The following CCDC171 variants were observed in gnomAD, a reference collection of about 807,000 sequenced individuals.
CCDC171 encodes coiled-coil domain containing 171.
In CCDC171, 177 loss-of-function variants were observed where a neutral mutation model predicts 168.2. That is an observed-to-expected ratio of 1.05 (90% confidence interval 0.93 to 1.19). The LOEUF (loss-of-function observed/expected upper bound fraction) is 1.19. Among genes scored for constraint, CCDC171 ranks in the 50% most tolerant of loss-of-function variants. CCDC171 has a pLI of 0.00. For synonymous variants in CCDC171, 687 were observed against 540.8 expected (o/e 1.27, Z -3.75); for missense variants, 1,991 against 1,539.0 (o/e 1.29, Z -4.91).
intron 25 of CCDC171, among the ~76,000 whole-genome samples, chr9:15,923,979 A>C (rs556549969): frequency 2.0e-5 from 3 of 151,562 alleles, no homozygotes; most frequent in Middle Eastern, 3.4e-3. Flanking sequence ...ATAATGTGTT[A>C]CTCAGTTATA....
intron 7 of CCDC171, 62 bp downstream of exon 7, chr9:15,623,475 G>GCGCGCACGCGCACACACA: frequency 3.2e-6 from 1 of 311,464 alleles, no homozygotes. Context: ...GCGCGCGCGC[G>GCGCGCACGCGCACACACA]CACACACACA....
At chr9:15,955,641 C>G (rs927083555) in intron 25 of CCDC171, among the ~76,000 whole-genome samples, 3 of 152,134 alleles carry the variant, frequency 2.0e-5, no homozygotes, top group African/African-American at 7.2e-5. Flanking sequence ...AGTTGCAAGC[C>G]TTCAATAGAC....
chr9:15,718,224 G>A (rs1003689585), intron 11 of CCDC171, among the ~76,000 whole-genome samples: 1 of 152,212 alleles, frequency 6.6e-6, no homozygotes, highest in South Asian at 2.1e-4. Context: ...TGTGGCAGTG[G>A]TGGCCAGGGG....
At chr9:15,745,863 C>CT (rs1317980281) in intron 18 of CCDC171, among the ~76,000 whole-genome samples, 7 of 151,950 alleles carry the variant, frequency 4.6e-5, no homozygotes, top group Non-Finnish European at 1.0e-4. Flanking sequence ...TCCACCTTTT[C>CT]TTTTTTTCTA....
At chr9:15,994,615 T>C (rs1170765527) in intron 3 of CCDC171, among the ~76,000 whole-genome samples, 1 of 152,220 alleles carries the variant, frequency 6.6e-6, no homozygotes, top group African/African-American at 2.4e-5. Flanking sequence ...ATTTTATAAA[T>C]GGACACAATT....
chr9:15,643,223 T>A (rs1280244042), intron 7 of CCDC171, among the ~76,000 whole-genome samples: 1 of 150,678 alleles, frequency 6.6e-6, no homozygotes, highest in Non-Finnish European at 1.5e-5. Context: ...CTGGCTAGAC[T>A]TTTTTTTGAC....
intron 11 of CCDC171, among the ~76,000 whole-genome samples, chr9:15,716,069 C>CA (rs1260600700): frequency 6.6e-6 from 1 of 152,114 alleles, no homozygotes; most frequent in Non-Finnish European, 1.5e-5. Flanking sequence ...GTCAGGTTGA[C>CA]AAAAAATTCA....
At chr9:16,035,300 T>G (rs1451716339) in intron 6 of CCDC171, among the ~76,000 whole-genome samples, 1 of 152,234 alleles carries the variant, frequency 6.6e-6, no homozygotes, top group Non-Finnish European at 1.5e-5. Flanking sequence ...CATTATTAGA[T>G]ATAAAAAACT....
At chr9:15,669,855 A>G (rs2048982307) in intron 9 of CCDC171, among the ~76,000 whole-genome samples, 1 of 151,340 alleles carries the variant, frequency 6.6e-6, no homozygotes, top group South Asian at 2.1e-4. Flanking sequence ...ATTGTAACTT[A>G]GTAGCATTAT....
At chr9:15,791,276 G>A (rs2058246199) in intron 21 of CCDC171, among the ~76,000 whole-genome samples, 1 of 151,998 alleles carries the variant, frequency 6.6e-6, no homozygotes, top group African/African-American at 2.4e-5. Context: ...ATTTCCTTGA[G>A]CAGTGGTTTG....
intron 24 of CCDC171, among the ~76,000 whole-genome samples, chr9:15,919,756 C>T (rs371197504): frequency 6.6e-6 from 1 of 151,552 alleles, no homozygotes; most frequent in East Asian, 1.9e-4. Flanking sequence ...CATGAATCAA[C>T]ATAATTATAC....
intron 25 of CCDC171, among the ~76,000 whole-genome samples, chr9:15,921,635 C>G (rs1277637947): frequency 4.6e-5 from 7 of 151,502 alleles, no homozygotes; most frequent in African/African-American, 1.7e-4. Context: ...TACGAGTAAT[C>G]TATCCAATAA....
chr9:15,643,831 T>C (rs1259394373), intron 7 of CCDC171, among the ~76,000 whole-genome samples: 1 of 152,204 alleles, frequency 6.6e-6, no homozygotes, highest in Non-Finnish European at 1.5e-5. Context: ...CAGCATGTGG[T>C]CTTTTGTATT....
In CCDC171 at chr9:15,890,820, A is replaced by G. The variant is rs574251667; in HGVS notation, c.3600+16157A>G. Among the ~76,000 whole-genome samples the G allele has an allele frequency of 1.6e-4, 24 of 152,262 alleles. No homozygotes were observed. In the South Asian group the frequency reaches 4.4e-3, roughly 28 times the overall value. On this transcript the variant is annotated intron_variant, in intron 24 of 25. Transcript: ENST00000380701. ...GAGTGATATAGTTTAACATACTTCA[A>G]TGAATTTTGTTATAGAATAGAGATT...
chr9:16,012,307 A>T (rs1832890558), intron 3 of CCDC171, among the ~76,000 whole-genome samples: 1 of 152,042 alleles, frequency 6.6e-6, no homozygotes, highest in African/African-American at 2.4e-5. Flanking sequence ...TTGTGTAGGG[A>T]TCTATCTGGG....
chr9:15,924,018 T>G lies in CCDC171; in HGVS notation c.3753+3596T>G, dbSNP rs557381583. Among the ~76,000 whole-genome samples, 30 of 151,586 alleles carry G rather than the reference T, an allele frequency of 2.0e-4. 1 individual carries two copies. The South Asian group carries it at 3.1e-3, about 16-fold the overall frequency. The stretch of plus-strand genomic sequence containing the variant: ...ATGCCTCCAAAGGCATGTATATAGA[T>G]ATATAGATATAGGTATATAGATAGA... On this transcript the variant is annotated intron_variant, in intron 25 of 25. Transcript: ENST00000380701.
intron 24 of CCDC171, among the ~76,000 whole-genome samples, chr9:15,882,141 G>C (rs1588977897): frequency 6.6e-6 from 1 of 152,118 alleles, no homozygotes; most frequent in Non-Finnish European, 1.5e-5. Context: ...TTTAACCGGG[G>C]TGAGATGATA....
At chr9:15,834,206 A>C (rs966787748) in intron 21 of CCDC171, among the ~76,000 whole-genome samples, 3 of 152,140 alleles carry the variant, frequency 2.0e-5, no homozygotes, top group South Asian at 4.1e-4. Flanking sequence ...ATTTAATTTA[A>C]TTGTCATCAA....
At chr9:15,693,214 AG>A (rs2050952493) in intron 10 of CCDC171, among the ~76,000 whole-genome samples, 1 of 1,138 alleles carries the variant, frequency 8.8e-4, no homozygotes, top group African/African-American at 1.7e-3. Context: ...AGGTACACAC[AG>A]ACACACATGC....
Sources: allele counts gnomAD v4.1 joint callset (sites outside exome capture counted in the v4.1 genomes callset), GRCh38; gene constraint gnomAD v4.1.1; transcripts MANE v1.5; gene names NCBI Gene and HGNC (gene_info 2026-07-23, HGNC 2026-07-21).